Variants in GRID1 observed in about 807,000 individuals in gnomAD.
GRID1 encodes glutamate ionotropic receptor delta type subunit 1, also known as glutamate receptor ionotropic, delta-1.
GRID1 carries 28 observed loss-of-function variants against 98.0 expected under a neutral mutation model. The observed-to-expected ratio is 0.29, with a 90% CI of 0.21 to 0.39. GRID1 has a LOEUF of 0.39. Among genes scored for constraint, GRID1 ranks in the 10% least tolerant of loss-of-function variants. The pLI, the probability that GRID1 is intolerant of heterozygous loss-of-function variation, is 1.00. For missense variants in GRID1, 1,111 were observed against 1,340.5 expected, an observed-to-expected ratio of 0.83 and a Z score of 2.67; for synonymous variants, 553 against 538.5, an observed-to-expected ratio of 1.03 and a Z score of -0.37.
intron 8 of GRID1, among the ~76,000 whole-genome samples, chr10:85,774,029 C>A (rs1842301880): frequency 1.3e-5 from 2 of 152,144 alleles, no homozygotes; most frequent in South Asian, 2.1e-4. Flanking sequence ...CAATCCTAAG[C>A]CAAAAGAACA....
intron 2 of GRID1, among the ~76,000 whole-genome samples, chr10:86,218,465 C>T (rs924997420): frequency 3.9e-5 from 6 of 152,172 alleles, no homozygotes; most frequent in African/African-American, 1.4e-4. Context: ...GTGGCCCACC[C>T]TGCCAGCCTA....
At chr10:85,938,654 A>C (rs922737458) in intron 4 of GRID1, among the ~76,000 whole-genome samples, 5 of 152,178 alleles carry the variant, frequency 3.3e-5, no homozygotes, top group African/African-American at 1.2e-4. Context: ...GAAAATATAC[A>C]AAAGGCTCTC....
intron 2 of GRID1, among the ~76,000 whole-genome samples, chr10:86,323,593 A>G (rs113912366): frequency 3.3e-5 from 5 of 152,358 alleles, no homozygotes; most frequent in African/African-American, 7.2e-5. Flanking sequence ...AGCAACCACA[A>G]AAATGAATCC....
intron 4 of GRID1, among the ~76,000 whole-genome samples, chr10:85,991,256 A>G (rs976732869): frequency 6.6e-6 from 1 of 152,116 alleles, no homozygotes; most frequent in Non-Finnish European, 1.5e-5. Flanking sequence ...GATGATTTCT[A>G]TTTTGGACTC....
intron 8 of GRID1, among the ~76,000 whole-genome samples, chr10:85,811,518 G>A (rs977943552): frequency 3.3e-5 from 5 of 151,912 alleles, no homozygotes; most frequent in Admixed American, 3.3e-4. Context: ...TTTTTAAAAA[G>A]AACCAAACAA....
Position 85,869,125 on chromosome 10 carries a change from G to T in GRID1, c.836C>A (p.Thr279Asn). ...DLVHSALGRM[T>N]VVRQIFPSAK... ...AGACGGAAAGATTTGCCGGACCACG[G>T]TCATCCTTCCAAGGGCACTATGGAC... is the stretch of plus-strand genomic sequence containing the variant. Residue 279 changes from threonine to asparagine, a missense_variant, in exon 6 of 16, where the codon ACC becomes AAC. This residue lies in a region of GRID1 where 346 missense variants were observed against 452.3 expected (regional missense o/e 0.76). Transcript: ENST00000327946. The T allele has an allele frequency of 6.2e-7, 1 of 1,613,902 alleles. No individual in the cohort carries two copies. The highest frequency in any genetic ancestry group is 8.5e-7 in the Non-Finnish European group (1 of 1,179,790).
chr10:86,139,184 G>A (rs527471754), intron 3 of GRID1, among the ~76,000 whole-genome samples, 160 bp from the exon 4 acceptor site: 29 of 152,294 alleles, frequency 1.9e-4, no homozygotes, highest in Admixed American at 5.9e-4. Context: ...GTTGGAGGAC[G>A]CCGGCGTAGA....
intron 3 of GRID1, among the ~76,000 whole-genome samples, chr10:86,168,111 C>A (rs764550121): frequency 1.2e-4 from 19 of 152,178 alleles, no homozygotes; most frequent in Non-Finnish European, 2.6e-4. Flanking sequence ...TGGACTCCAC[C>A]AGAGGCACTA....
At chr10:86,233,330 G>T (rs2132037299) in intron 2 of GRID1, among the ~76,000 whole-genome samples, 1 of 152,328 alleles carries the variant, frequency 6.6e-6, no homozygotes, top group East Asian at 1.9e-4. Flanking sequence ...CTATAATCCA[G>T]AGGTGTCTGC....
chr10:86,135,613 C>A (rs911983719), intron 4 of GRID1, among the ~76,000 whole-genome samples: 4 of 152,042 alleles, frequency 2.6e-5, no homozygotes, highest in African/African-American at 9.7e-5. Flanking sequence ...TAGGTGGGGC[C>A]TGACACACAA....
intron 4 of GRID1, among the ~76,000 whole-genome samples, chr10:85,969,502 C>T (rs1842380621): frequency 6.6e-6 from 1 of 151,914 alleles, no homozygotes; most frequent in Non-Finnish European, 1.5e-5. Flanking sequence ...GTTATTTGAC[C>T]TAAATAGAAT....
chr10:86,015,116 C>T (rs145603350), intron 4 of GRID1, among the ~76,000 whole-genome samples: 1 of 152,292 alleles, frequency 6.6e-6, no homozygotes, highest in African/African-American at 2.4e-5. Flanking sequence ...ATACCATATA[C>T]CTATTCATCC....
At chr10:85,957,408 C>G (rs556419759) in intron 4 of GRID1, among the ~76,000 whole-genome samples, 1 of 152,084 alleles carries the variant, frequency 6.6e-6, no homozygotes, top group Non-Finnish European at 1.5e-5. Flanking sequence ...TAGAGCCCCA[C>G]GAGAAAGCAT....
chr10:85,778,120 T>C (rs995282619), intron 8 of GRID1, among the ~76,000 whole-genome samples: 1 of 152,096 alleles, frequency 6.6e-6, no homozygotes, highest in Non-Finnish European at 1.5e-5. Context: ...TAGAACTACA[T>C]GGACGAGAAA....
At position 86,364,083 on chromosome 10, in the gene GRID1, C is replaced by T; in HGVS notation, c.93G>A (p.Glu31=). The change falls in exon 2 of 16, where the codon GAG becomes GAA. Residue 31 remains glutamate, a synonymous_variant. Transcript: ENST00000327946. ...CCCTGTCGTCCTTGGCCGCGTTCTC[C>T]TCGAAGATGGCACCTGGAGGAGAGA... ...DSIIHIGAIF[E]ENAAKDDRVF... is the part of the protein sequence containing the mutation. 1 of 1,613,858 alleles carries T rather than the reference C, an allele frequency of 6.2e-7. No individual in the cohort carries two copies. Among genetic ancestry groups the T allele is most frequent in the Non-Finnish European group, 8.5e-7 (1 of 1,179,808 alleles).
chr10:85,974,904 T>C (rs1435351813), intron 4 of GRID1, among the ~76,000 whole-genome samples: 1 of 152,210 alleles, frequency 6.6e-6, no homozygotes, highest in African/African-American at 2.4e-5. Context: ...GGATTATAGG[T>C]GTGGGCCATG....
intron 4 of GRID1, among the ~76,000 whole-genome samples, chr10:85,982,055 G>A (rs61855984): frequency 0.056 from 8,516 of 152,182 alleles, 302 homozygotes; most frequent in Middle Eastern, 0.092. Context: ...AAGGCCCTGA[G>A]GTGAGCGCTT....
At chr10:86,274,247 G>T (rs574720741) in intron 2 of GRID1, among the ~76,000 whole-genome samples, 23 of 152,224 alleles carry the variant, frequency 1.5e-4, no homozygotes, top group South Asian at 1.5e-3. Context: ...ATTTCTGAGG[G>T]CTCTGTTCTG....
chr10:86,086,785 G>T (rs1242530150), intron 4 of GRID1, among the ~76,000 whole-genome samples: 2 of 152,186 alleles, frequency 1.3e-5, no homozygotes, highest in East Asian at 3.9e-4. Flanking sequence ...GTGTTTGTGT[G>T]AGTGTGTGTC....
Sources: gnomAD v4.1 joint callset for allele counts (sites outside exome capture counted in the v4.1 genomes callset) on GRCh38, gnomAD v4.1.1 for gene constraint, gnomAD v4.1.1 regional missense constraint, MANE v1.5 for transcripts, NCBI Gene and HGNC (gene_info 2026-07-23, HGNC 2026-07-21) for gene names.